Variants in GALNTL6 observed in about 807,000 individuals in gnomAD.
GALNTL6 encodes the protein polypeptide N-acetylgalactosaminyltransferase like 6.
Under a neutral mutation model 73.7 loss-of-function variants are expected in GALNTL6, and 46 were observed. The observed-to-expected ratio is 0.62, with a 90% CI of 0.49 to 0.80. The LOEUF is 0.80. Ranked by LOEUF, GALNTL6 falls within the 30% of genes least tolerant of loss-of-function variation. The pLI is 0.00. For synonymous variants in GALNTL6, 259 were observed against 263.7 expected (o/e 0.98, Z 0.17); for missense variants, 604 against 755.0 (o/e 0.80, Z 2.34).
At chr4:172,290,184 T>A (rs932209591) in intron 3 of GALNTL6, among the ~76,000 whole-genome samples, 1 of 122,212 alleles carries the variant, frequency 8.2e-6, no homozygotes, top group African/African-American at 3.7e-5. Flanking sequence ...TTTTAATGAG[T>A]TCCTCTGAGA....
chr4:172,802,847 C>A (rs1169050025), intron 5 of GALNTL6, among the ~76,000 whole-genome samples: 1 of 151,556 alleles, frequency 6.6e-6, no homozygotes, highest in Non-Finnish European at 1.5e-5. Context: ...AGTAATCACC[C>A]CTGGCACCTG....
At chr4:172,880,669 T>A (rs1745408872) in intron 7 of GALNTL6, among the ~76,000 whole-genome samples, 1 of 152,104 alleles carries the variant, frequency 6.6e-6, no homozygotes, top group South Asian at 2.1e-4. Context: ...ACAATTAAGC[T>A]GTTTTAAAAC....
Position 172,059,185 on chromosome 4 carries a change from G to A in GALNTL6, c.139-170471G>A, listed in dbSNP as rs112684514. On this transcript the variant is annotated intron_variant, in intron 2 of 12. Coordinates refer to ENST00000506823, the MANE Select transcript of GALNTL6 (RefSeq NM_001034845.3). ...AAAGGAAGGGGGTTTGCTTCTGCTC[G>A]TTTACTATGTGTTCTCTATGAGAAG... Among the ~76,000 whole-genome samples the A allele has an allele frequency of 3.0e-3, 461 of 152,234 alleles. 2 individuals are homozygous for A. The highest frequency in any genetic ancestry group is 0.01 in the Middle Eastern group (3 of 294).
intron 5 of GALNTL6, among the ~76,000 whole-genome samples, chr4:172,671,756 G>A (rs1731998731): frequency 6.6e-6 from 1 of 152,288 alleles, no homozygotes; most frequent in East Asian, 1.9e-4. Context: ...GAATACTTCA[G>A]ATTTTGCCCA....
chr4:171,891,128 A>G (rs933166843), intron 2 of GALNTL6, among the ~76,000 whole-genome samples: 2 of 152,230 alleles, frequency 1.3e-5, no homozygotes, highest in Admixed American at 1.3e-4. Flanking sequence ...CCCTGACGTT[A>G]TAGGAACATC....
intron 3 of GALNTL6, among the ~76,000 whole-genome samples, chr4:172,286,487 TGC>T (rs1217390805): frequency 6.6e-6 from 1 of 152,184 alleles, no homozygotes; most frequent in Non-Finnish European, 1.5e-5. Context: ...TCCAAGACAG[TGC>T]ATGGGCCTTC....
chr4:172,493,718 A>G (rs1733969557), intron 5 of GALNTL6, among the ~76,000 whole-genome samples: 2 of 152,206 alleles, frequency 1.3e-5, no homozygotes, highest in Admixed American at 1.3e-4. Context: ...CTGCATTTTG[A>G]TAAGAATGCC....
At chr4:171,974,731 A>C (rs1255718326) in intron 2 of GALNTL6, among the ~76,000 whole-genome samples, 1 of 138,826 alleles carries the variant, frequency 7.2e-6, no homozygotes, top group African/African-American at 2.7e-5. Flanking sequence ...TGTAATTAAT[A>C]AAATATTTTC....
At chr4:171,856,811 C>T (rs1179422843) in intron 2 of GALNTL6, among the ~76,000 whole-genome samples, 1 of 152,076 alleles carries the variant, frequency 6.6e-6, no homozygotes. Context: ...AATCTATTGT[C>T]AATGCAATTG....
At chr4:171,890,962 A>G (rs970413910) in intron 2 of GALNTL6, among the ~76,000 whole-genome samples, 1 of 152,174 alleles carries the variant, frequency 6.6e-6, no homozygotes, top group African/African-American at 2.4e-5. Context: ...TGTCGTCATT[A>G]CAATAAAGGT....
intron 4 of GALNTL6, among the ~76,000 whole-genome samples, chr4:172,321,641 A>G (rs1158142766): frequency 2.0e-5 from 3 of 152,214 alleles, no homozygotes; most frequent in Admixed American, 2.0e-4. Context: ...AAAAGACCAT[A>G]TAAAACTTCT....
At chr4:172,592,670 G>GTCTATCTGTCTA (rs1737687379) in intron 5 of GALNTL6, among the ~76,000 whole-genome samples, 1 of 141,976 alleles carries the variant, frequency 7.0e-6, no homozygotes, top group Non-Finnish European at 1.5e-5. Flanking sequence ...CTGTCTGTCT[G>GTCTATCTGTCTA]TCTATCTATC....
At chr4:173,013,612 G>A (rs1446974644) in intron 11 of GALNTL6, among the ~76,000 whole-genome samples, 3 of 112,524 alleles carry the variant, frequency 2.7e-5, no homozygotes, top group South Asian at 3.1e-4. Context: ...TCTATGGCCC[G>A]TAATTCAAGA....
At chr4:172,871,592 G>A (rs72708716) in intron 7 of GALNTL6, among the ~76,000 whole-genome samples, 13,986 of 128,148 alleles carry the variant, frequency 0.11, 918 homozygotes, top group Non-Finnish European at 0.15. Flanking sequence ...TGACTCTGGG[G>A]GGGGTGTGTG....
intron 2 of GALNTL6, among the ~76,000 whole-genome samples, chr4:171,847,697 A>G (rs1004416792): frequency 6.6e-6 from 1 of 152,166 alleles, no homozygotes; most frequent in Admixed American, 6.6e-5. Context: ...TAGATTCTAT[A>G]TCAAAAGAAA....
chr4:172,823,664 G>A (rs1026896412), intron 7 of GALNTL6, among the ~76,000 whole-genome samples: 7 of 152,146 alleles, frequency 4.6e-5, no homozygotes, highest in Non-Finnish European at 1.5e-5. Flanking sequence ...ATTCTGATAG[G>A]GGAGTGGTAG....
chr4:172,490,318 T>G (rs1733850257), intron 5 of GALNTL6, among the ~76,000 whole-genome samples: 2 of 152,182 alleles, frequency 1.3e-5, no homozygotes, highest in South Asian at 4.1e-4. Context: ...AGCTTTTTCC[T>G]TTTCTGAGTC....
intron 10 of GALNTL6, among the ~76,000 whole-genome samples, chr4:172,979,462 G>T (rs1750978576): frequency 6.6e-6 from 1 of 152,118 alleles, no homozygotes; most frequent in Non-Finnish European, 1.5e-5. Context: ...ATATAATCAG[G>T]CTTCATTGTG....
intron 2 of GALNTL6, among the ~76,000 whole-genome samples, chr4:171,913,499 G>A (rs555056444): frequency 1.6e-3 from 243 of 152,224 alleles, no homozygotes; most frequent in African/African-American, 5.6e-3. Context: ...GGTTACACAA[G>A]TAATAAATGC....
Sources: allele counts gnomAD v4.1 joint callset (sites outside exome capture counted in the v4.1 genomes callset), GRCh38; gene constraint gnomAD v4.1.1; transcripts MANE v1.5; gene names NCBI Gene and HGNC (gene_info 2026-07-23, HGNC 2026-07-21).